Variants in TMTC2 observed in about 807,000 individuals in gnomAD.
TMTC2 encodes protein O-mannosyl-transferase TMTC2.
In TMTC2, 43 loss-of-function variants were observed where a neutral mutation model predicts 82.4. That is an observed-to-expected ratio of 0.52 (90% confidence interval 0.41 to 0.67). The LOEUF is 0.67. TMTC2 is among the 30% of genes least tolerant of loss of function. The pLI, the probability that TMTC2 is intolerant of heterozygous loss-of-function variation, is 0.00. For synonymous variants in TMTC2, 408 were observed against 381.9 expected, an observed-to-expected ratio of 1.07 and a Z score of -0.80; for missense variants, 919 against 1,012.4, an observed-to-expected ratio of 0.91 and a Z score of 1.25.
chr12:83,035,977 A>C (rs1199504089), intron 9 of TMTC2, among the ~76,000 whole-genome samples: 1 of 152,190 alleles, frequency 6.6e-6, no homozygotes, highest in Admixed American at 6.5e-5. Context: ...CTGATGTGTG[A>C]AAAGTTAGAA....
chr12:82,749,898 C>T lies in TMTC2; in HGVS notation c.83+62229C>T, dbSNP rs377475880. 2.6e-4 allele frequency among the ~76,000 whole-genome samples: 39 copies of T among 152,062 alleles called. No homozygotes were observed. In the East Asian group the frequency reaches 5.4e-3, roughly 21 times the overall value. ...GATTACAGGCATGCACCACCACGCC[C>T]GCATAATTTTTACATTTTTCGTGGA... On this transcript the variant is annotated intron_variant, in intron 1 of 11. Coordinates refer to ENST00000321196, the MANE Select transcript of TMTC2 (RefSeq NM_152588.3).
intron 8 of TMTC2, among the ~76,000 whole-genome samples, chr12:82,994,419 C>G (rs1231331620): frequency 6.6e-6 from 1 of 150,510 alleles, no homozygotes; most frequent in Non-Finnish European, 1.5e-5. Context: ...CAGGCATGAG[C>G]TACCGTGCCC....
At position 83,134,076 on chromosome 12, in the gene TMTC2, A is replaced by G. The variant is rs766068765; in HGVS notation, c.*1687A>G. On this transcript the variant is annotated 3_prime_UTR_variant, in exon 12 of 12. Coordinates refer to ENST00000321196, the MANE Select transcript of TMTC2 (RefSeq NM_152588.3). ...CTATGGCATTAGTGTTTTTGTGAGA[A>G]GGGTAAATGTAGTGAGAAAGGTTTT... The G allele has an allele frequency of 4.6e-5, 7 of 152,630 alleles. No individual in the cohort carries two copies. The highest frequency in any genetic ancestry group is 7.3e-5 in the Non-Finnish European group (5 of 68,036). The allele number at this position is 152,630 out of a possible 1,614,324, so 9.5% of individuals were successfully genotyped here. A position where few individuals can be genotyped will look rare whatever the true frequency, so the allele number is the denominator to read the frequency against.
chr12:83,080,003 T>C (rs1212385134), intron 11 of TMTC2, among the ~76,000 whole-genome samples: 1 of 152,208 alleles, frequency 6.6e-6, no homozygotes, highest in African/African-American at 2.4e-5. Flanking sequence ...TTAATTAGCC[T>C]TGGAAAACTT....
chr12:82,931,647 C>T (rs149888555), intron 4 of TMTC2, among the ~76,000 whole-genome samples: 53 of 152,204 alleles, frequency 3.5e-4, no homozygotes, highest in African/African-American at 1.2e-3. Flanking sequence ...GATCTAGTGC[C>T]TGATTGTGTT....
At chr12:82,866,932 C>T (rs1344951271) in intron 2 of TMTC2, among the ~76,000 whole-genome samples, 4 of 152,140 alleles carry the variant, frequency 2.6e-5, no homozygotes. Flanking sequence ...AAAGGTGATA[C>T]TATGGTAAGG....
At chr12:82,741,081 T>G (rs1875383213) in intron 1 of TMTC2, among the ~76,000 whole-genome samples, 1 of 152,236 alleles carries the variant, frequency 6.6e-6, no homozygotes, top group Admixed American at 6.5e-5. Flanking sequence ...ATACCCACTT[T>G]GAAATTTGCA....
At chr12:82,781,399 C>CTTTTTT (rs71068954) in intron 1 of TMTC2, among the ~76,000 whole-genome samples, 3 of 121,186 alleles carry the variant, frequency 2.5e-5, no homozygotes, top group Non-Finnish European at 3.3e-5. Flanking sequence ...GGAGTTTGCT[C>CTTTTTT]TTTTTTTTTT....
At chr12:82,840,157 C>A (rs981280837) in intron 1 of TMTC2, among the ~76,000 whole-genome samples, 1 of 152,242 alleles carries the variant, frequency 6.6e-6, no homozygotes, top group African/African-American at 2.4e-5. Flanking sequence ...GAAGCCCCTA[C>A]TGTGCGTCAT....
chr12:82,923,511 T>A (rs994012581), intron 3 of TMTC2, among the ~76,000 whole-genome samples: 1 of 152,144 alleles, frequency 6.6e-6, no homozygotes, highest in Admixed American at 6.5e-5. Context: ...CATTAATTTT[T>A]TTTTTACATT....
Position 82,874,700 on chromosome 12 carries a change from C to T in TMTC2, c.654+17120C>T, listed in dbSNP as rs1033848903. ...CTTTTAAACTTAAATACAGTTAATA[C>T]TTGATTATCTAAAATGGAGCCTTTT... On this transcript the variant is annotated intron_variant, in intron 2 of 11. Transcript: ENST00000321196. Among the ~76,000 whole-genome samples, 4 of 152,018 alleles carry T rather than the reference C, an allele frequency of 2.6e-5. No individual in the cohort carries two copies. In the East Asian group the frequency reaches 7.7e-4, roughly 29 times the overall value.
intron 8 of TMTC2, among the ~76,000 whole-genome samples, chr12:83,003,432 A>G (rs371904716): frequency 2.6e-5 from 4 of 152,082 alleles, no homozygotes; most frequent in Non-Finnish European, 5.9e-5. Context: ...ATTAATATTC[A>G]TATGTGAGAT....
chr12:83,075,248 C>T (rs542683587), intron 11 of TMTC2, among the ~76,000 whole-genome samples: 1 of 152,252 alleles, frequency 6.6e-6, no homozygotes, highest in South Asian at 2.1e-4. Context: ...CCTTCAGGAG[C>T]AGTCCACTTC....
rs753878105 is a variant in TMTC2, at chr12:82,805,497, C to CTTT, written c.84-51487_84-51485dup. On this transcript the variant is annotated intron_variant, in intron 1 of 11. Transcript: ENST00000321196. ...TAGTAAGTTTACTCTCCTCTCCCCA[C>CTTT]TTTTTTTTTTTTTTTTTTTTTTTTT... 6.7e-3 allele frequency among the ~76,000 whole-genome samples: 605 copies of CTTT among 90,576 alleles called. 114 individuals are homozygous for CTTT. The highest frequency in any genetic ancestry group is 0.028 in the African/African-American group (574 of 20,708). The allele number at this position is 90,576 out of a possible 152,430, so 59.4% of individuals were successfully genotyped here.
chr12:82,813,313 T>C (rs984632929), intron 1 of TMTC2, among the ~76,000 whole-genome samples: 4 of 152,136 alleles, frequency 2.6e-5, no homozygotes, highest in Non-Finnish European at 5.9e-5. Flanking sequence ...GTTCTTCCTT[T>C]TACATTTTTC....
intron 9 of TMTC2, among the ~76,000 whole-genome samples, chr12:83,033,246 T>G (rs1219945010): frequency 6.6e-6 from 1 of 152,122 alleles, no homozygotes; most frequent in Non-Finnish European, 1.5e-5. Flanking sequence ...AACATGAAAA[T>G]TTAAGAGAAT....
At chr12:82,964,651 C>A (rs1878106393) in intron 4 of TMTC2, among the ~76,000 whole-genome samples, 1 of 152,116 alleles carries the variant, frequency 6.6e-6, no homozygotes, top group Non-Finnish European at 1.5e-5. Context: ...ATATACATAT[C>A]TCACTGCCTT....
chr12:83,087,521 A>C (rs1410047490), intron 11 of TMTC2, among the ~76,000 whole-genome samples: 1 of 152,220 alleles, frequency 6.6e-6, no homozygotes, highest in Non-Finnish European at 1.5e-5. Flanking sequence ...TATAGCCTTA[A>C]AAATGTATTT....
intron 10 of TMTC2, among the ~76,000 whole-genome samples, chr12:83,052,809 A>T (rs1882403254): frequency 6.6e-6 from 1 of 152,092 alleles, no homozygotes; most frequent in South Asian, 2.1e-4. Flanking sequence ...TTTTTGTTAT[A>T]TACTGGCAGT....
Sources: gnomAD v4.1 joint callset for allele counts (sites outside exome capture counted in the v4.1 genomes callset) on GRCh38, gnomAD v4.1.1 for gene constraint, MANE v1.5 for transcripts, NCBI Gene and HGNC (gene_info 2026-07-23, HGNC 2026-07-21) for gene names.